SNW1: variants seen among roughly 807,000 people sequenced by gnomAD.
The protein encoded by SNW1 is SNW domain-containing protein 1.
Under a neutral mutation model 75.6 loss-of-function variants are expected in SNW1, and 9 were observed. The observed-to-expected ratio is 0.12, with a 90% CI of 0.07 to 0.21. The LOEUF (loss-of-function observed/expected upper bound fraction) is 0.21. Among genes scored for constraint, SNW1 ranks in the 10% least tolerant of loss-of-function variants. SNW1 has a pLI of 1.00. For missense variants in SNW1, 409 were observed against 670.9 expected (o/e 0.61, Z 4.31); for synonymous variants, 200 against 219.1 (o/e 0.91, Z 0.77).
In SNW1 at chr14:77,735,789, T is replaced by C. The variant is rs78436471; in HGVS notation, c.708+148A>G. 4.3e-3 allele frequency: 2,571 copies of C among 592,956 alleles called. 37 individuals are homozygous for C. The highest frequency in any genetic ancestry group is 0.038 in the African/African-American group (2,059 of 53,724). 36.7% of individuals were successfully genotyped at this position (592,956 alleles called of 1,614,324 possible). ...AGCTAACATGTTATATACATTCTCA[T>C]AAGCATTCTTGAAACTTCATCTTGA... On this transcript the variant is annotated intron_variant, in intron 7 of 13. Transcript: ENST00000261531.
chr14:77,720,500 TTCTTTCTTCTCCTAGTG>T (rs757912743), intron 12 of SNW1, 194 bp downstream of exon 12: 1 of 709,312 alleles, frequency 1.4e-6, no homozygotes, highest in South Asian at 1.5e-5. Context: ...ATCACCTAAT[TTCTTTCTTCTCCTAGTG>T]TCTCAAATCT....
At chr14:77,735,821 A>G (rs560694428) in intron 7 of SNW1, 116 bp downstream of exon 7, 1 of 666,016 alleles carries the variant, frequency 1.5e-6, no homozygotes, top group African/African-American at 1.8e-5. Context: ...TTGAAAAATA[A>G]AAAAAGAAAC....
chr14:77,733,787 A>AAAAT (rs2080647543), intron 8 of SNW1: 1 of 215,804 alleles, frequency 4.6e-6, no homozygotes. Flanking sequence ...AAAAGAAAAA[A>AAAAT]AAATGTTTGC....
At chr14:77,720,678 A>C (rs758871650) in intron 12 of SNW1, 33 bp downstream of exon 12, 2 of 1,359,172 alleles carry the variant, frequency 1.5e-6, no homozygotes, top group East Asian at 4.6e-5. Flanking sequence ...TATTCACATC[A>C]ACACACACAA....
intron 8 of SNW1, 25 bp from the exon 9 acceptor site, chr14:77,732,626 C>T (rs2080636223): frequency 7.8e-7 from 1 of 1,278,328 alleles, no homozygotes; most frequent in African/African-American, 1.5e-5. Context: ...GACAGAAAAC[C>T]CAGTCACAGA....
chr14:77,732,041 C>T lies in SNW1; in HGVS notation c.891+444G>A, dbSNP rs554627553. 2.1e-4 allele frequency among the ~76,000 whole-genome samples: 32 copies of T among 152,270 alleles called. 1 individual carries two copies. The South Asian group carries it at 5.4e-3, about 26-fold the overall frequency. On this transcript the variant is annotated intron_variant, in intron 9 of 13. Transcript: ENST00000261531. The stretch of plus-strand genomic sequence containing the variant: ...ATGAGCCATTGTGCCCAGCCTAATT[C>T]CATAATATTTAATACATTATGTAAC...
intron 3 of SNW1, among the ~76,000 whole-genome samples, chr14:77,747,976 G>T (rs1475289765): frequency 6.6e-6 from 1 of 152,250 alleles, no homozygotes; most frequent in Non-Finnish European, 1.5e-5. Context: ...GGAGAGGGGG[G>T]AAATGTGGGG....
At position 77,718,148 on chromosome 14, in the gene SNW1, G is replaced by C; in HGVS notation, c.1551C>G (p.Pro517=). The stretch of plus-strand genomic sequence containing the variant: ...GTTCCTTGGGGCGGCTGCTATCTGA[G>C]GGTCTTTTAGAGCCACCATGCTGTT... ...EAKQHGGSKR[P]SDSSRPKEHE... The change falls in exon 14 of 14, where the codon CCC becomes CCG. Residue 517 remains proline, a synonymous_variant. Transcript: ENST00000261531. 2 of 1,612,424 alleles carry C rather than the reference G, an allele frequency of 1.2e-6. No individual in the cohort carries two copies. The highest frequency in any genetic ancestry group is 1.7e-6 in the Non-Finnish European group (2 of 1,179,408).
chr14:77,720,585 T>TA (rs1342972385), intron 12 of SNW1, 126 bp downstream of exon 12: 1 of 790,364 alleles, frequency 1.3e-6, no homozygotes, highest in Admixed American at 1.7e-5. Flanking sequence ...AGTTTCAACA[T>TA]ACAACTTCCA....
At chr14:77,730,877 T>G in intron 10 of SNW1, 111 bp downstream of exon 10, 1 of 1,106,726 alleles carries the variant, frequency 9.0e-7, no homozygotes, top group Non-Finnish European at 1.3e-6. Context: ...CTGATGTATC[T>G]AAATTTTGTT....
intron 3 of SNW1, among the ~76,000 whole-genome samples, chr14:77,742,107 T>C (rs1051474506): frequency 5.9e-5 from 9 of 151,908 alleles, no homozygotes; most frequent in African/African-American, 1.7e-4. Flanking sequence ...TCTCAGCTCA[T>C]AGCAACCTCC....
chr14:77,722,099 G>T (rs539242484), intron 11 of SNW1, among the ~76,000 whole-genome samples: 299 of 152,240 alleles, frequency 2.0e-3, no homozygotes, highest in Non-Finnish European at 3.6e-3. Flanking sequence ...CTCATGGGAT[G>T]ATCAGAGCAC....
intron 7 of SNW1, among the ~76,000 whole-genome samples, chr14:77,735,480 T>C (rs1228475553): frequency 6.6e-6 from 1 of 152,154 alleles, no homozygotes; most frequent in East Asian, 1.9e-4. Flanking sequence ...ACGGGGTTTC[T>C]CCATGTTGGT....
At chr14:77,731,237 A>AG (rs2080624815) in intron 9 of SNW1, 108 bp from the exon 10 acceptor site, 2 of 1,213,302 alleles carry the variant, frequency 1.6e-6, no homozygotes, top group Non-Finnish European at 2.3e-6. Flanking sequence ...TACAGAATTC[A>AG]GATTTGTTAT....
intron 3 of SNW1, among the ~76,000 whole-genome samples, chr14:77,742,703 G>T (rs375581561): frequency 1.1e-4 from 16 of 151,840 alleles, no homozygotes; most frequent in African/African-American, 3.9e-4. Context: ...TACGTTGAAG[G>T]CATTCTTTTG....
intron 12 of SNW1, among the ~76,000 whole-genome samples, chr14:77,719,973 A>G (rs1336891420): frequency 2.6e-5 from 4 of 152,244 alleles, no homozygotes; most frequent in African/African-American, 9.6e-5. Flanking sequence ...TCCCAGGCTT[A>G]AAGTGTCCTA....
intron 3 of SNW1, among the ~76,000 whole-genome samples, chr14:77,740,665 G>A (rs959507733): frequency 1.3e-5 from 2 of 151,960 alleles, no homozygotes; most frequent in Non-Finnish European, 2.9e-5. Context: ...CTCCATTATC[G>A]AGGCTTCTTC....
intron 6 of SNW1, 85 bp from the exon 7 acceptor site, chr14:77,736,091 T>TG: frequency 1.0e-6 from 1 of 967,468 alleles, no homozygotes; most frequent in South Asian, 1.5e-5. Flanking sequence ...TTTTCTTGCA[T>TG]AAAAGTTTCA....
chr14:77,730,750 A>T (rs1420113226), intron 10 of SNW1: 1 of 408,372 alleles, frequency 2.4e-6, no homozygotes, highest in Non-Finnish European at 4.3e-6. Context: ...TGAAAAGTAC[A>T]CTGCTCAGAA....
Sources: gnomAD v4.1 joint callset for allele counts (sites outside exome capture counted in the v4.1 genomes callset) on GRCh38, gnomAD v4.1.1 for gene constraint, MANE v1.5 for transcripts, NCBI Gene and HGNC (gene_info 2026-07-23, HGNC 2026-07-21) for gene names.